RANBP2: variants seen among roughly 807,000 people sequenced by gnomAD.
The protein encoded by RANBP2 is E3 SUMO-protein ligase RanBP2.
RANBP2 carries 57 observed loss-of-function variants against 303.6 expected under a neutral mutation model. The ratio of observed to expected loss-of-function variants is 0.19; its 90% confidence interval spans 0.15 to 0.23. RANBP2 has a LOEUF of 0.23. Ranked by LOEUF, RANBP2 falls within the 10% of genes least tolerant of loss-of-function variation. The pLI, the probability that RANBP2 is intolerant of heterozygous loss-of-function variation, is 1.00. For synonymous variants in RANBP2, 1,167 were observed against 1,301.5 expected, an observed-to-expected ratio of 0.90 and a Z score of 2.23; for missense variants, 3,138 against 3,780.8, an observed-to-expected ratio of 0.83 and a Z score of 4.46.
the RANBP2 span, among the ~76,000 whole-genome samples, chr2:109,121,168 G>A: frequency 6.6e-6 from 1 of 151,856 alleles, no homozygotes. Flanking sequence ...AATGACATGC[G>A]CCCAGGAGGT....
chr2:108,832,416 C>T, the RANBP2 span, among the ~76,000 whole-genome samples: 5 of 142,796 alleles, frequency 3.5e-5, no homozygotes, highest in South Asian at 2.2e-4. Context: ...GGTGTGATCT[C>T]GGCTCACCGC....
At chr2:109,462,938 G>A in the RANBP2 span, among the ~76,000 whole-genome samples, 1 of 152,202 alleles carries the variant, frequency 6.6e-6, no homozygotes, top group African/African-American at 2.4e-5. Context: ...TCCCTGAAAA[G>A]TCTGATTATT....
chr2:108,925,537 C>T, the RANBP2 span, among the ~76,000 whole-genome samples: 1 of 152,216 alleles, frequency 6.6e-6, no homozygotes, highest in Non-Finnish European at 1.5e-5. Flanking sequence ...AGGCTGGCCA[C>T]CCTCATCTGT....
At chr2:109,469,148 T>G in the RANBP2 span, among the ~76,000 whole-genome samples, 1 of 152,150 alleles carries the variant, frequency 6.6e-6, no homozygotes, top group Non-Finnish European at 1.5e-5. Flanking sequence ...ACCCCAAGAA[T>G]GCGGGCCCCC....
chr2:109,710,510 T>A, the RANBP2 span, among the ~76,000 whole-genome samples: 1 of 152,200 alleles, frequency 6.6e-6, no homozygotes, highest in African/African-American at 2.4e-5. Flanking sequence ...AAAGTATACC[T>A]GGGCCAAGCC....
chr2:108,977,934 T>C, the RANBP2 span, among the ~76,000 whole-genome samples: 1 of 152,342 alleles, frequency 6.6e-6, no homozygotes, highest in South Asian at 2.1e-4. Context: ...CTCTTATCTA[T>C]AGGCAGGATC....
At chr2:109,176,034 ACT>A in the RANBP2 span, among the ~76,000 whole-genome samples, 119 of 152,148 alleles carry the variant, frequency 7.8e-4, 1 homozygote, top group African/African-American at 2.7e-3. Flanking sequence ...TATCCTTGAG[ACT>A]CTGTCTTCAC....
chr2:109,003,219 A>G, the RANBP2 span, among the ~76,000 whole-genome samples: 1 of 150,806 alleles, frequency 6.6e-6, no homozygotes, highest in Non-Finnish European at 1.5e-5. Context: ...AAAAAAAAAA[A>G]AAAAAAAAAA....
the RANBP2 span, among the ~76,000 whole-genome samples, chr2:108,894,246 A>C: frequency 6.6e-6 from 1 of 152,320 alleles, no homozygotes; most frequent in South Asian, 2.1e-4. Context: ...TTGGAAAGCA[A>C]TGCTCCAGGT....
the RANBP2 span, among the ~76,000 whole-genome samples, chr2:109,350,849 G>A: frequency 6.6e-6 from 1 of 152,194 alleles, no homozygotes; most frequent in Admixed American, 6.5e-5. Context: ...CTTTGGATAT[G>A]TTCCATTCCT....
the RANBP2 span, chr2:109,545,201 C>A: frequency 1.0e-6 from 1 of 985,284 alleles, no homozygotes; most frequent in Non-Finnish European, 1.2e-6. Context: ...GAGGCAGAGT[C>A]CCCCAAATGA....
rs2557899 is a variant in RANBP2, at chr2:108,767,339, T to C, written c.6800T>C (p.Phe2267Ser). The C allele has an allele frequency of 5.6e-6, 9 of 1,612,052 alleles. No individual in the cohort carries two copies. The highest frequency in any genetic ancestry group is 2.7e-5 in the African/African-American group (2 of 74,974). Reference protein sequence around the residue: ...LFRFGESTTGFNFSFKSALSP... With the variant: ...LFRFGESTTGSNFSFKSALSP... Reference sequence around the variant, plus strand: ...CGTTTTGGTGAGTCAACAACAGGATTTAACTTCAGTTTTAAATCTGCTTTG... The same window carrying C: ...CGTTTTGGTGAGTCAACAACAGGATCTAACTTCAGTTTTAAATCTGCTTTG... Residue 2267 changes from phenylalanine (F) to serine (S), a missense_variant, in exon 20 of 29, where the codon TTT becomes TCT. Physicochemically the swap from Phe to Ser is radical, Grantham distance 155 (BLOSUM62 -2). Around this residue, in one of 20 missense-constraint regions of RANBP2, gnomAD observed 72 missense variants for 86.8 expected, o/e 0.83. Transcript: ENST00000283195.
At chr2:109,350,022 A>T in the RANBP2 span, among the ~76,000 whole-genome samples, 1 of 152,220 alleles carries the variant, frequency 6.6e-6, no homozygotes, top group Non-Finnish European at 1.5e-5. Context: ...TGTGCAGAAG[A>T]CAGGCCAGAG....
chr2:109,614,588 G>A, the RANBP2 span: 1 of 1,420,034 alleles, frequency 7.0e-7, no homozygotes, highest in Non-Finnish European at 9.2e-7. Flanking sequence ...TGCACGCCGA[G>A]CTGGTGCAGC....
the RANBP2 span, among the ~76,000 whole-genome samples, chr2:109,163,479 AG>A: frequency 7.5e-6 from 1 of 132,564 alleles, no homozygotes; most frequent in South Asian, 2.5e-4. Context: ...GCTCACTGCA[AG>A]CTCCGCCTCC....
At chr2:109,633,214 A>G in the RANBP2 span, among the ~76,000 whole-genome samples, 1 of 152,120 alleles carries the variant, frequency 6.6e-6, no homozygotes, top group Non-Finnish European at 1.5e-5. Flanking sequence ...CAACATGGCA[A>G]AAACCTCGTC....
At chr2:109,044,905 T>G in the RANBP2 span, among the ~76,000 whole-genome samples, 1 of 152,186 alleles carries the variant, frequency 6.6e-6, no homozygotes, top group Non-Finnish European at 1.5e-5. Context: ...ATTTCTTATG[T>G]ACAAGTAAGT....
chr2:109,200,407 C>T, the RANBP2 span, among the ~76,000 whole-genome samples: 1 of 152,160 alleles, frequency 6.6e-6, no homozygotes, highest in Admixed American at 6.5e-5. Context: ...TTCTCTCTTT[C>T]CCTCCATCTC....
At chr2:109,339,995 T>C in the RANBP2 span, among the ~76,000 whole-genome samples, 2 of 152,162 alleles carry the variant, frequency 1.3e-5, no homozygotes, top group African/African-American at 4.8e-5. Flanking sequence ...TGCTGAGGAA[T>C]TTGCCCACCT....
Sources: allele counts gnomAD v4.1 joint callset (sites outside exome capture counted in the v4.1 genomes callset), GRCh38; gene constraint gnomAD v4.1.1; regional missense constraint gnomAD v4.1.1; transcripts MANE v1.5; gene names NCBI Gene and HGNC (gene_info 2026-07-23, HGNC 2026-07-21).